GSTCD: variants seen among roughly 807,000 people sequenced by gnomAD.
GSTCD encodes the protein glutathione S-transferase C-terminal domain containing.
GSTCD carries 44 observed loss-of-function variants against 68.3 expected under a neutral mutation model. The ratio of observed to expected loss-of-function variants is 0.64; its 90% CI spans 0.51 to 0.83. The LOEUF (loss-of-function observed/expected upper bound fraction) is 0.83. Among genes scored for constraint, GSTCD ranks in the 40% least tolerant of loss-of-function variants. The pLI, the probability that GSTCD is intolerant of heterozygous loss-of-function variation, is 0.00. For synonymous variants in GSTCD, 273 were observed against 255.2 expected (o/e 1.07, Z -0.67); for missense variants, 739 against 735.9 (o/e 1.00, Z -0.05).
At chr4:105,825,980 C>T (rs1329069828) in intron 8 of GSTCD, 180 bp downstream of exon 8, 1 of 296,958 alleles carries the variant, frequency 3.4e-6, no homozygotes, top group Non-Finnish European at 6.4e-6. Flanking sequence ...AGCACTTCAT[C>T]ATTACATAAC....
At chr4:105,767,901 T>A (rs889260687) in intron 5 of GSTCD, among the ~76,000 whole-genome samples, 3 of 151,168 alleles carry the variant, frequency 2.0e-5, no homozygotes, top group Non-Finnish European at 4.4e-5. Flanking sequence ...AGCACTTAAT[T>A]TCTCGAAGTG....
intron 5 of GSTCD, among the ~76,000 whole-genome samples, chr4:105,768,096 C>T (rs548986349): frequency 3.3e-4 from 49 of 150,148 alleles, no homozygotes; most frequent in African/African-American, 1.2e-3. Context: ...AGTGCAGTGG[C>T]GCGATCTCGG....
intron 10 of GSTCD, among the ~76,000 whole-genome samples, chr4:105,839,783 A>G (rs1724265192): frequency 6.6e-6 from 1 of 152,194 alleles, no homozygotes; most frequent in Admixed American, 6.5e-5. Context: ...AGTTAAACCA[A>G]ACAATGAAAG....
At chr4:105,773,990 C>T (rs1019442435) in intron 5 of GSTCD, among the ~76,000 whole-genome samples, 1 of 152,002 alleles carries the variant, frequency 6.6e-6, no homozygotes, top group Non-Finnish European at 1.5e-5. Context: ...GTGGGAGTCT[C>T]AGTCTCTTTG....
chr4:105,810,135 G>T (rs1722695665), intron 5 of GSTCD, among the ~76,000 whole-genome samples: 2 of 151,976 alleles, frequency 1.3e-5, no homozygotes, highest in African/African-American at 4.8e-5. Flanking sequence ...GGCTAATGAA[G>T]GGAGAAAGTT....
intron 8 of GSTCD, among the ~76,000 whole-genome samples, chr4:105,828,418 T>C (rs1227287964): frequency 6.6e-6 from 1 of 152,200 alleles, no homozygotes; most frequent in East Asian, 1.9e-4. Context: ...TGAGAAATTA[T>C]ATATTCTGCA....
At chr4:105,820,199 C>A (rs1196089061) in intron 5 of GSTCD, among the ~76,000 whole-genome samples, 2 of 151,512 alleles carry the variant, frequency 1.3e-5, no homozygotes, top group African/African-American at 4.8e-5. Context: ...TGGCTTCCCC[C>A]TTGCTTAAAA....
At chr4:105,781,477 G>A (rs934661830) in intron 5 of GSTCD, among the ~76,000 whole-genome samples, 2 of 150,564 alleles carry the variant, frequency 1.3e-5, no homozygotes, top group East Asian at 1.9e-4. Context: ...GGCTGGTCTC[G>A]AACTCCTGGC....
intron 5 of GSTCD, among the ~76,000 whole-genome samples, chr4:105,738,813 T>C (rs1304711614): frequency 6.6e-6 from 1 of 152,208 alleles, no homozygotes; most frequent in Non-Finnish European, 1.5e-5. Flanking sequence ...TCCTTGCCAA[T>C]TTGGATGCCC....
chr4:105,836,073 G>A (rs1256658280), intron 9 of GSTCD, among the ~76,000 whole-genome samples: 1 of 152,036 alleles, frequency 6.6e-6, no homozygotes, highest in African/African-American at 2.4e-5. Flanking sequence ...GAGATCCAGA[G>A]TGGGTAGCTT....
intron 5 of GSTCD, among the ~76,000 whole-genome samples, chr4:105,731,848 T>A (rs1050417063): frequency 1.7e-4 from 26 of 152,218 alleles, no homozygotes; most frequent in Non-Finnish European, 3.5e-4. Context: ...ATAGCTCTTA[T>A]TATTTTGAGA....
rs975152239 is a variant in GSTCD, at chr4:105,729,484, G to A, written c.1225G>A (p.Val409Ile). Residue 409 changes from valine (V) to isoleucine (I), a missense_variant, in exon 5 of 12, where the codon GTC (valine) becomes ATC (isoleucine). Physicochemically the swap from Val to Ile is conservative, Grantham distance 29. Coordinates refer to ENST00000515279, the MANE Select transcript of GSTCD (RefSeq NM_001370181.1). ...TLDWNVLPAA[V>I]SPKEGKMSSD... ...TGATTGGAATGTTCTCCCTGCAGCA[G>A]TCAGCCCAAAGGAAGGTGAGTTTTC... The A allele has an allele frequency of 1.1e-5, 17 of 1,610,684 alleles. No individual in the cohort carries two copies. The Admixed American group carries it at 2.3e-4, about 22-fold the overall frequency.
chr4:105,732,316 G>T (rs896817607), intron 5 of GSTCD, among the ~76,000 whole-genome samples: 1 of 152,090 alleles, frequency 6.6e-6, no homozygotes, highest in Non-Finnish European at 1.5e-5. Context: ...GAATCCGTCT[G>T]GTCCTGGACT....
At chr4:105,787,007 A>T (rs1295298963) in intron 5 of GSTCD, among the ~76,000 whole-genome samples, 1 of 152,108 alleles carries the variant, frequency 6.6e-6, no homozygotes, top group Non-Finnish European at 1.5e-5. Context: ...AGAATTGAAA[A>T]CATACACCCA....
chr4:105,782,359 A>G (rs567690820), intron 5 of GSTCD, among the ~76,000 whole-genome samples: 38 of 152,184 alleles, frequency 2.5e-4, no homozygotes, highest in Non-Finnish European at 4.6e-4. Flanking sequence ...TTAGCCAAGC[A>G]TGGTGTGCGC....
rs1724568877 is a variant in GSTCD at position 105,846,811 on chromosome 4, A to G, written c.*1234A>G. The stretch of plus-strand genomic sequence containing the variant: ...GCTAGGATTATAGGCACCTGCCACC[A>G]TGCCCGGCTAATTTTGTTTGTAATT... On this transcript the variant is annotated 3_prime_UTR_variant, in exon 12 of 12. Transcript: ENST00000515279. 3 of 151,376 alleles carry G rather than the reference A, an allele frequency of 2.0e-5. No individual in the cohort carries two copies. Among genetic ancestry groups the G allele is most frequent in the Admixed American group, 2.0e-4 (3 of 15,140 alleles). The allele number at this position is 151,376 out of a possible 1,614,324, so 9.4% of individuals were successfully genotyped here.
In GSTCD at chr4:105,719,460, T is replaced by C. The variant is rs1455044028; in HGVS notation, c.827T>C (p.Val276Ala). Reference sequence around the variant, plus strand: ...TCCGACCTTCCACCTCTGGAGCATGTGTTTGCAGAAGGGCTTTACTTCACT... The same window carrying C: ...TCCGACCTTCCACCTCTGGAGCATGCGTTTGCAGAAGGGCTTTACTTCACT... ...KASDLPPLEHVFAEGLYFTLA... is the reference protein window; with the variant it reads ...KASDLPPLEHAFAEGLYFTLA... The change falls in exon 3 of 12, where the codon GTG (valine) becomes GCG (alanine). Residue 276 changes from valine (V) to alanine (A), a missense_variant. Transcript: ENST00000515279. 6.2e-7 allele frequency: 1 copy of C among 1,614,076 alleles called. No individual in the cohort carries two copies. The highest frequency in any genetic ancestry group is 2.2e-5 in the East Asian group (1 of 44,874).
rs144392045 is a variant in GSTCD at position 105,773,929 on chromosome 4, T to C, written c.1240+44430T>C. ...TATCCTTGTTAATTTTCTGTCTCAT[T>C]GGTCTGGCTAATATTGACAGTGGGG... On this transcript the variant is annotated intron_variant, in intron 5 of 11. Coordinates refer to ENST00000515279, the MANE Select transcript of GSTCD (RefSeq NM_001370181.1). Among the ~76,000 whole-genome samples, 8 of 152,316 alleles carry C rather than the reference T, an allele frequency of 5.3e-5. No individual in the cohort carries two copies. In the East Asian group the frequency reaches 1.4e-3, roughly 26 times the overall value.
chr4:105,819,625 C>T (rs1723178976), intron 5 of GSTCD, among the ~76,000 whole-genome samples: 1 of 151,724 alleles, frequency 6.6e-6, no homozygotes, highest in Non-Finnish European at 1.5e-5. Flanking sequence ...GACCATTCAT[C>T]AGCTTGTCTT....
Sources: gnomAD v4.1 joint callset for allele counts (sites outside exome capture counted in the v4.1 genomes callset) on GRCh38, gnomAD v4.1.1 for gene constraint, MANE v1.5 for transcripts, NCBI Gene and HGNC (gene_info 2026-07-23, HGNC 2026-07-21) for gene names.